The following ZNF219 variants were observed in gnomAD, a reference collection of about 807,000 sequenced individuals.
ZNF219 encodes zinc finger protein 219.
In ZNF219, 17 loss-of-function variants were observed where a neutral mutation model predicts 54.4. The observed-to-expected ratio is 0.31, with a 90% CI of 0.21 to 0.47. The LOEUF is 0.47. Ranked by LOEUF, ZNF219 falls within the 20% of genes least tolerant of loss-of-function variation. The pLI, the probability that ZNF219 is intolerant of heterozygous loss-of-function variation, is 1.00. For synonymous variants in ZNF219, 518 were observed against 476.4 expected, an observed-to-expected ratio of 1.09 and a Z score of -1.14; for missense variants, 1,014 against 1,062.3, an observed-to-expected ratio of 0.95 and a Z score of 0.63.
rs1065496 is a variant in ZNF219 at position 21,092,547 on chromosome 14, C to G, written c.750G>C (p.Pro250=). 0.066 allele frequency: 102,483 copies of G among 1,546,214 alleles called. 3,713 individuals are homozygous for G. Among genetic ancestry groups the G allele is most frequent in the African/African-American group, 0.12 (8,655 of 72,818 alleles). Residue 250 remains proline, a synonymous_variant, in exon 3 of 5, where the codon CCG becomes CCC. Coordinates refer to ENST00000360947, the MANE Select transcript of ZNF219 (RefSeq NM_016423.3). Reference sequence around the variant, plus strand: ...TCGGGGTTGCCTCACGTTCGGGCTCCGGCTCCGGCTCCGGCTGGGGGACTG... The same window carrying G: ...TCGGGGTTGCCTCACGTTCGGGCTCGGGCTCCGGCTCCGGCTGGGGGACTG... ...PRSVPQPEPE[P]EPEREATPTP...
rs1382949842 is a variant in ZNF219 at position 21,098,398 on chromosome 14, G to A, written c.-170C>T. On this transcript the variant is annotated 5_prime_UTR_variant, in exon 1 of 5. It adds an upstream start codon to the 5' untranslated region. Coordinates refer to ENST00000360947, the MANE Select transcript of ZNF219 (RefSeq NM_016423.3). The stretch of plus-strand genomic sequence containing the variant: ...CCGGCGGCGCGGGCGTCAGCGTTAC[G>A]TGGGGCCGGGGGAGATGCGCCGGGC... 7.6e-6 allele frequency: 4 copies of A among 526,112 alleles called. No homozygotes were observed. Among genetic ancestry groups the A allele is most frequent in the Non-Finnish European group, 9.6e-6 (4 of 414,876 alleles). 32.6% of individuals were successfully genotyped at this position (526,112 alleles called of 1,614,324 possible).
rs11848574 is a variant in ZNF219 at position 21,093,141 on chromosome 14, T to C, written c.156A>G (p.Ala52=). Residue 52 remains alanine, a synonymous_variant, in exon 3 of 5, where the codon GCA becomes GCG. Coordinates refer to ENST00000360947, the MANE Select transcript of ZNF219 (RefSeq NM_016423.3). ...CAGGGCAGGGGAAGCGCCGTTCGCC[T>C]GCACGACTCTCAGACCAGCTCACCG... ...MGAVSWSESR[A]GERRFPCPVC... is the part of the protein sequence containing the mutation. 0.016 allele frequency: 25,801 copies of C among 1,610,492 alleles called. 3,320 individuals are homozygous for C. In the African/African-American group the frequency reaches 0.29, roughly 18 times the overall value.
At position 21,090,603 on chromosome 14, in the gene ZNF219, T is replaced by C; in HGVS notation, c.2102A>G (p.Gln701Arg). 6.2e-7 allele frequency: 1 copy of C among 1,610,494 alleles called. No homozygotes were observed. Residue 701 changes from glutamine (Q) to arginine (R), a missense_variant, in exon 5 of 5, where the codon CAG (glutamine) becomes CGG (arginine). Physicochemically the swap from Gln to Arg is conservative, Grantham distance 43 (BLOSUM62 1). This residue lies in a region of ZNF219 where 281 missense variants were observed against 271.2 expected (regional missense o/e 1.04). Transcript: ENST00000360947. The surrounding 1 kb of genome is among the most constrained non-coding windows in gnomAD (Gnocchi z 4.4). ...CAGCCCGGAGCCCTCCTCCCCTTCC[T>C]GCGAAGGACTGGGAGGGGTCTCTCC... ...PSGETPPSPS[Q>R]EGEEGSGLSR...
chr14:21,095,951 C>T (rs994248374), intron 1 of ZNF219, among the ~76,000 whole-genome samples: 2 of 146,538 alleles, frequency 1.4e-5, no homozygotes, highest in East Asian at 4.1e-4. Flanking sequence ...GGGTCCATCA[C>T]ATTCTGTTGC....
upstream of ZNF219, chr14:21,102,303 G>A: frequency 1.4e-6 from 2 of 1,459,508 alleles, no homozygotes; most frequent in Non-Finnish European, 1.9e-6. Context: ...TTTGGAGGCT[G>A]AGAAGCAGAA....
At chr14:21,103,439 A>C (rs1594614652), upstream of ZNF219, 1 of 1,026,818 alleles carries the variant, frequency 9.7e-7, no homozygotes, top group South Asian at 1.8e-5. Context: ...TCACCTCACC[A>C]CCCTGAAAAG....
At chr14:21,098,873 C>T, upstream of ZNF219, 1 of 1,284,040 alleles carries the variant, frequency 7.8e-7, no homozygotes, top group Non-Finnish European at 1.0e-6. Context: ...GGAAGTTCTT[C>T]CTGGGGTTTT....
intron 1 of ZNF219, chr14:21,093,955 G>A: frequency 2.5e-6 from 1 of 394,836 alleles, no homozygotes; most frequent in Non-Finnish European, 4.8e-6. Context: ...TGGCGGTGGG[G>A]AAGACCATCA....
In ZNF219 at chr14:21,090,551, C is replaced by T. The variant is rs781641625; in HGVS notation, c.2154G>A (p.Gly718=). 3.8e-6 allele frequency: 6 copies of T among 1,598,650 alleles called. No individual in the cohort carries two copies. In the East Asian group the frequency reaches 6.7e-5, roughly 18 times the overall value. Residue 718 remains glycine (G), a synonymous_variant, in exon 5 of 5, where the codon GGG becomes GGA. Transcript: ENST00000360947. This position sits in a 1 kb window ranked among gnomAD's most constrained non-coding sequence, Gnocchi z 4.4. ...TGAGGGCCCACTACCGTTCTTGCCC[C>T]CCCAGCCCTGCCTCTCCGGGTCTGG... ...GLSRPGEAGL[G]GQER
intron 1 of ZNF219, chr14:21,093,910 T>C (rs1889125890): frequency 4.2e-6 from 2 of 476,594 alleles, no homozygotes; most frequent in East Asian, 8.2e-5. Flanking sequence ...TTTAAATGCA[T>C]GGTCCAGAAC....
At chr14:21,098,923 G>A, upstream of ZNF219, 1 of 1,184,326 alleles carries the variant, frequency 8.4e-7, no homozygotes, top group East Asian at 6.6e-5. Context: ...TCTCTCTTTT[G>A]GGGGAGGAGG....
rs1401987615 is a variant in ZNF219 at position 21,090,773 on chromosome 14, G to C, written c.1932C>G (p.Ala644=). The change falls in exon 5 of 5, where the codon GCC becomes GCG. Residue 644 remains alanine (A), a synonymous_variant. Transcript: ENST00000360947. This position sits in a 1 kb window ranked among gnomAD's most constrained non-coding sequence, Gnocchi z 4.4. ...ACGGGCAGAAGAGGCAGCGGTGGAG[G>C]GCACCCCCAGGCCCGGCCTCGCCTC... ...GPGGEAGPGG[A]LHRCLFCPFA... 3 of 1,599,598 alleles carry C rather than the reference G, an allele frequency of 1.9e-6. No homozygotes were observed. The highest frequency in any genetic ancestry group is 1.7e-5 in the Admixed American group (1 of 58,108).
upstream of ZNF219, chr14:21,102,599 G>T: frequency 6.4e-7 from 1 of 1,551,126 alleles, no homozygotes. Flanking sequence ...AACAGGTGCG[G>T]GGTCCCTGCA....
In ZNF219 at chr14:21,091,187, C is replaced by T. The variant is rs750350724; in HGVS notation, c.1565-47G>A. The T allele has an allele frequency of 2.1e-5, 33 of 1,549,832 alleles. No homozygotes were observed. In the East Asian group the frequency reaches 5.0e-4, roughly 23 times the overall value. ...GGGTCACGGGGTCACGATGACTGCA[C>T]GCACCCACCCGAATTTCGCCCAATT... On this transcript the variant is annotated intron_variant, in intron 4 of 4. Transcript: ENST00000360947.
chr14:21,100,869 G>T (rs1325986942), upstream of ZNF219, among the ~76,000 whole-genome samples: 3 of 152,206 alleles, frequency 2.0e-5, no homozygotes, highest in African/African-American at 7.2e-5. Flanking sequence ...TTGAGGTCCA[G>T]AGTGATAGTG....
At chr14:21,101,451 G>T (rs999759584), upstream of ZNF219, 2 of 1,551,110 alleles carry the variant, frequency 1.3e-6, no homozygotes, top group Admixed American at 3.9e-5. Context: ...TGGTGCTAGC[G>T]GTGAGGCCAG....
At position 21,093,145 on chromosome 14, in the gene ZNF219, C is replaced by G; in HGVS notation, c.152G>C (p.Arg51Pro). The change falls in exon 3 of 5, where the codon CGT (arginine) becomes CCT (proline). Residue 51 changes from arginine (R) to proline (P), a missense_variant. By Grantham distance (103) the Arg-to-Pro change is moderately radical. This residue lies in a region of ZNF219 where 395 missense variants were observed against 415.1 expected (regional missense o/e 0.95). Transcript: ENST00000360947. ...GCAGGGGAAGCGCCGTTCGCCTGCACGACTCTCAGACCAGCTCACCGCTCC... is the reference window on the plus strand; with the variant it reads ...GCAGGGGAAGCGCCGTTCGCCTGCAGGACTCTCAGACCAGCTCACCGCTCC... The part of the protein sequence containing the change: ...GMGAVSWSES[R>P]AGERRFPCPV... 6.2e-7 allele frequency: 1 copy of G among 1,610,440 alleles called. No homozygotes were observed. The highest frequency in any genetic ancestry group is 8.5e-7 in the Non-Finnish European group (1 of 1,179,312).
chr14:21,095,811 T>C (rs1889254172), intron 1 of ZNF219, among the ~76,000 whole-genome samples: 1 of 152,238 alleles, frequency 6.6e-6, no homozygotes, highest in South Asian at 2.1e-4. Context: ...TTTGGCCTTT[T>C]AGATGTCACT....
At chr14:21,093,705 A>G (rs1441402284) in intron 1 of ZNF219, 31 bp from the exon 2 acceptor site, 1 of 1,602,200 alleles carries the variant, frequency 6.2e-7, no homozygotes, top group South Asian at 1.1e-5. Flanking sequence ...GGAGGAAAAG[A>G]TGAGCCCTAG....
Sources: gnomAD v4.1 joint callset for allele counts (sites outside exome capture counted in the v4.1 genomes callset) on GRCh38, gnomAD v4.1.1 for gene constraint, gnomAD v4.1.1 regional missense constraint, Gnocchi (gnomAD v3.1) non-coding constraint, MANE v1.5 for transcripts, NCBI Gene and HGNC (gene_info 2026-07-23, HGNC 2026-07-21) for gene names.